The following DCTN4 variants were observed in gnomAD, a reference collection of about 807,000 sequenced individuals.
DCTN4 encodes dynactin 4 (p62).
Under a neutral mutation model 62.7 loss-of-function variants are expected in DCTN4, and 23 were observed. The observed-to-expected ratio is 0.37, with a 90% CI of 0.26 to 0.52. DCTN4 has a LOEUF of 0.52. Among genes scored for constraint, DCTN4 ranks in the 20% least tolerant of loss-of-function variants. The pLI is 0.92. For missense variants in DCTN4, 514 were observed against 580.4 expected (o/e 0.89, Z 1.18); for synonymous variants, 199 against 202.1 (o/e 0.98, Z 0.13).
chr5:150,733,649 G>T, intron 4 of DCTN4, 174 bp from the exon 5 acceptor site: 1 of 472,494 alleles, frequency 2.1e-6, no homozygotes, highest in Non-Finnish European at 3.7e-6. Context: ...GTTTTCCGAA[G>T]TGAAATGGAA....
intron 4 of DCTN4, chr5:150,736,409 T>G (rs1267605615): frequency 1.3e-5 from 2 of 152,240 alleles, no homozygotes; most frequent in Non-Finnish European, 2.9e-5. Context: ...AACAGCAGAT[T>G]TCTTGGCGAA....
rs559847731 is a variant in DCTN4 at position 150,715,745 on chromosome 5, T to C, written c.1072-83A>G. ...AAAGTACGACATTGATTTAGACAAA[T>C]GGAAGCACACAGCAAGTTTCAGGAA... is the stretch of plus-strand genomic sequence containing the variant. On this transcript the variant is annotated intron_variant, in intron 11 of 12. Transcript: ENST00000447998. The C allele has an allele frequency of 1.9e-4, 206 of 1,097,684 alleles. 1 individual carries two copies. The highest frequency in any genetic ancestry group is 1.4e-3 in the Middle Eastern group (7 of 4,996). The allele number at this position is 1,097,684 out of a possible 1,614,324, so 68.0% of individuals were successfully genotyped here.
chr5:150,711,660 C>T lies in DCTN4; in HGVS notation c.1170-298G>A, dbSNP rs1202111916. ...AGCTGGGACTACAGGCATGCACCAC[C>T]ACACCTGGCTAGCTTTATATATTAA... On this transcript the variant is annotated intron_variant, in intron 12 of 12. Transcript: ENST00000447998. 3.9e-5 allele frequency among the ~76,000 whole-genome samples: 6 copies of T among 152,152 alleles called. 1 individual carries two copies. In the South Asian group the frequency reaches 1.0e-3, roughly 26 times the overall value.
intron 4 of DCTN4, chr5:150,736,206 A>T (rs1019986473): frequency 2.6e-5 from 4 of 152,178 alleles, no homozygotes; most frequent in African/African-American, 9.7e-5. Flanking sequence ...ATAGAAGAAA[A>T]CTTCCCTGGC....
chr5:150,731,274 T>C (rs901233730), intron 6 of DCTN4, 118 bp from the exon 7 acceptor site: 18 of 968,430 alleles, frequency 1.9e-5, no homozygotes, highest in Non-Finnish European at 2.6e-5. Flanking sequence ...ATAGAATATC[T>C]GTATAGCGTA....
chr5:150,725,383 A>T (rs190085832), intron 8 of DCTN4, among the ~76,000 whole-genome samples: 97 of 151,790 alleles, frequency 6.4e-4, no homozygotes, highest in Admixed American at 1.6e-3. Context: ...ATATAAATTT[A>T]TATCAATTTA....
chr5:150,744,962 G>T (rs1244242759), intron 3 of DCTN4, among the ~76,000 whole-genome samples: 1 of 151,250 alleles, frequency 6.6e-6, no homozygotes, highest in African/African-American at 2.4e-5. Flanking sequence ...AATGTTAATG[G>T]ACTAAATGCT....
chr5:150,755,243 TAAAC>T (rs1004911240), intron 2 of DCTN4, among the ~76,000 whole-genome samples: 25 of 152,058 alleles, frequency 1.6e-4, no homozygotes, highest in African/African-American at 4.8e-4. Context: ...AAAAAACAAA[TAAAC>T]AAGAGGAGAA....
At chr5:150,755,019 A>C (rs1752804373) in intron 2 of DCTN4, among the ~76,000 whole-genome samples, 1 of 152,116 alleles carries the variant, frequency 6.6e-6, no homozygotes, top group South Asian at 2.1e-4. Flanking sequence ...AGTATCTTGT[A>C]GTACTGGTAA....
intron 1 of DCTN4, chr5:150,758,399 A>G (rs2113168735): frequency 1.0e-6 from 1 of 990,524 alleles, no homozygotes; most frequent in East Asian, 1.1e-4. Flanking sequence ...GAACAGGGCA[A>G]GGCAGTCTGA....
chr5:150,752,720 A>G (rs756188932), intron 3 of DCTN4, among the ~76,000 whole-genome samples: 4 of 152,166 alleles, frequency 2.6e-5, no homozygotes, highest in Non-Finnish European at 5.9e-5. Context: ...TATTTCTACT[A>G]TGAGAATTGC....
At chr5:150,747,955 T>C (rs1347262107) in intron 3 of DCTN4, among the ~76,000 whole-genome samples, 58 of 142,502 alleles carry the variant, frequency 4.1e-4, no homozygotes, top group East Asian at 2.0e-3. Context: ...CTAATTAAAC[T>C]AAAGAGCTTC....
At position 150,751,531 on chromosome 5, in the gene DCTN4, G is replaced by A. The variant is rs149165861; in HGVS notation, c.385+1948C>T. On this transcript the variant is annotated intron_variant, in intron 3 of 12. Coordinates refer to ENST00000447998, the MANE Select transcript of DCTN4 (RefSeq NM_016221.4). ...TGAAAAAACAATACTTTAGTTCACT[G>A]AGGCCTACATTATGCCACTTTGAGG... Among the ~76,000 whole-genome samples, 659 of 152,160 alleles carry A rather than the reference G, an allele frequency of 4.3e-3. 4 individuals carry two copies. The highest frequency in any genetic ancestry group is 0.015 in the African/African-American group (631 of 41,544).
At chr5:150,758,130 A>T in intron 1 of DCTN4, 1 of 985,566 alleles carries the variant, frequency 1.0e-6, no homozygotes, top group Non-Finnish European at 1.2e-6. Flanking sequence ...TAATCCCTAA[A>T]GCTTACTGAA....
intron 4 of DCTN4, among the ~76,000 whole-genome samples, chr5:150,741,618 C>G (rs940412340): frequency 1.3e-5 from 2 of 152,064 alleles, no homozygotes; most frequent in African/African-American, 2.4e-5. Flanking sequence ...GTTGCTGGGA[C>G]TATAGGCATG....
intron 3 of DCTN4, among the ~76,000 whole-genome samples, chr5:150,749,541 T>C (rs535338456): frequency 3.2e-4 from 49 of 152,192 alleles, no homozygotes; most frequent in African/African-American, 1.1e-3. Flanking sequence ...ATTGGCCAGG[T>C]GCAGTGGTTC....
intron 4 of DCTN4, among the ~76,000 whole-genome samples, chr5:150,737,560 CT>C (rs1198877319): frequency 2.0e-5 from 3 of 150,592 alleles, no homozygotes; most frequent in Admixed American, 6.6e-5. Flanking sequence ...TAAAAACTCT[CT>C]GATCTGCATG....
chr5:150,744,911 T>G (rs1760905029), intron 3 of DCTN4, among the ~76,000 whole-genome samples: 1 of 150,744 alleles, frequency 6.6e-6, no homozygotes, highest in Non-Finnish European at 1.5e-5. Flanking sequence ...GCTAACATCA[T>G]CATGACAGGA....
intron 2 of DCTN4, among the ~76,000 whole-genome samples, chr5:150,755,280 G>A (rs1752817576): frequency 6.6e-6 from 1 of 152,188 alleles, no homozygotes; most frequent in African/African-American, 2.4e-5. Context: ...CCATGCAAAA[G>A]AATTCCAAAT....
Sources: gnomAD v4.1 joint callset for allele counts (sites outside exome capture counted in the v4.1 genomes callset) on GRCh38, gnomAD v4.1.1 for gene constraint, MANE v1.5 for transcripts, NCBI Gene and HGNC (gene_info 2026-07-23, HGNC 2026-07-21) for gene names.